CELF2: variants seen among roughly 807,000 people sequenced by gnomAD.
CELF2 encodes CUGBP Elav-like family member 2.
In CELF2, 8 loss-of-function variants were observed where a neutral mutation model predicts 62.6. The observed-to-expected ratio is 0.13, with a 90% CI of 0.07 to 0.23. The LOEUF (loss-of-function observed/expected upper bound fraction) is 0.23, where lower values mean the gene tolerates loss of function less well. CELF2 is among the 10% of genes least tolerant of loss of function. The pLI is 1.00. For synonymous variants in CELF2, 258 were observed against 250.0 expected, an observed-to-expected ratio of 1.03 and a Z score of -0.30; for missense variants, 333 against 671.0, an observed-to-expected ratio of 0.50 and a Z score of 5.56.
At chr10:11,192,816 C>T (rs2076562255) in intron 2 of CELF2, among the ~76,000 whole-genome samples, 1 of 152,174 alleles carries the variant, frequency 6.6e-6, no homozygotes, top group Non-Finnish European at 1.5e-5. Flanking sequence ...CCCAACCCCA[C>T]CCTCAGGAAT....
rs756702441 is a variant in CELF2 at position 10,839,937 on chromosome 10, C to A, written c.53+41120C>A. Among the ~76,000 whole-genome samples, 3 of 152,324 alleles carry A rather than the reference C, an allele frequency of 2.0e-5. No individual in the cohort carries two copies. The East Asian group carries it at 5.8e-4, about 29-fold the overall frequency. On this transcript the variant is annotated intron_variant, in intron 1 of 13. Coordinates refer to the CELF2 transcript ENST00000636488. ...AACTGTTTTTGTAATTTTGGTTTAT[C>A]CGGAATGTCATATATGTGGAATCAC... is the stretch of plus-strand genomic sequence containing the variant.
chr10:10,464,482 A>G, the CELF2 span, among the ~76,000 whole-genome samples: 1 of 152,096 alleles, frequency 6.6e-6, no homozygotes, highest in African/African-American at 2.4e-5. Flanking sequence ...TCTATTCTCA[A>G]ATTTTCAAAT....
In CELF2 at chr10:11,223,235, CG is replaced by C. The variant is rs1248617984; in HGVS notation, c.354+5732del. 6.6e-6 allele frequency among the ~76,000 whole-genome samples: 1 copy of C among 152,178 alleles called. No homozygotes were observed. The highest frequency in any genetic ancestry group is 1.5e-5 in the Non-Finnish European group (1 of 68,034). On this transcript the variant is annotated intron_variant, in intron 3 of 12. Coordinates refer to ENST00000633077, the MANE Select transcript of CELF2 (RefSeq NM_001326342.2). This position sits in a 1 kb window ranked among gnomAD's most constrained non-coding sequence, Gnocchi z 5.1. ...CAGCATCCTCACAGTCAGGCCTGAG[CG>C]GGGCACTGCCTGAGGAGCTTCCTGA...
chr10:11,120,118 G>A (rs549870532), intron 1 of CELF2, among the ~76,000 whole-genome samples: 1 of 152,216 alleles, frequency 6.6e-6, no homozygotes, highest in South Asian at 2.1e-4. Context: ...AGCATCCTTT[G>A]AGCATGTCGT....
At chr10:11,185,601 A>AG (rs1364831658) in intron 2 of CELF2, among the ~76,000 whole-genome samples, 1 of 151,942 alleles carries the variant, frequency 6.6e-6, no homozygotes, top group Non-Finnish European at 1.5e-5. Flanking sequence ...TTTAGTAGAG[A>AG]GGGGGTTTCT....
the CELF2 span, among the ~76,000 whole-genome samples, chr10:10,767,601 A>T: frequency 6.6e-6 from 1 of 152,220 alleles, no homozygotes; most frequent in Non-Finnish European, 1.5e-5. Flanking sequence ...AATGCTTGGT[A>T]TGCAGTGGGG....
intron 2 of CELF2, among the ~76,000 whole-genome samples, chr10:11,190,314 A>G (rs997656981): frequency 6.9e-6 from 1 of 145,002 alleles, no homozygotes; most frequent in Admixed American, 7.4e-5. Context: ...GTATTGATGA[A>G]ATTTTGGCCC....
In CELF2 at chr10:11,319,144, C is replaced by A; in HGVS notation, c.1097-2045C>A. On this transcript the variant is annotated intron_variant, in intron 10 of 12. Coordinates refer to ENST00000633077, the MANE Select transcript of CELF2 (RefSeq NM_001326342.2). The surrounding 1 kb of genome is among the most constrained non-coding windows in gnomAD (Gnocchi z 4.4). ...CCCGCCAGAATTTCCTCCACACGGG[C>A]ATCTGCATTTCCAGAGGACTGTGCC... is the stretch of plus-strand genomic sequence containing the variant. The A allele has an allele frequency of 4.3e-6, 2 of 468,972 alleles. No homozygotes were observed. Among genetic ancestry groups the A allele is most frequent in the Non-Finnish European group, 4.4e-6 (1 of 226,376 alleles). The allele number at this position is 468,972 out of a possible 1,614,324, so 29.1% of individuals were successfully genotyped here. A position where few individuals can be genotyped will look rare whatever the true frequency, so the allele number is the denominator to read the frequency against.
chr10:11,273,469 A>AC (rs1288314658), intron 7 of CELF2, among the ~76,000 whole-genome samples: 1 of 151,742 alleles, frequency 6.6e-6, no homozygotes, highest in Admixed American at 6.6e-5. Context: ...CTTCCCCTCA[A>AC]CCCCTGGTCT....
the CELF2 span, among the ~76,000 whole-genome samples, chr10:10,519,989 C>G: frequency 6.6e-6 from 1 of 152,170 alleles, no homozygotes; most frequent in Non-Finnish European, 1.5e-5. Context: ...CCCAGCCTCC[C>G]TTATTGCCAG....
At chr10:10,729,394 A>T in the CELF2 span, among the ~76,000 whole-genome samples, 3 of 152,194 alleles carry the variant, frequency 2.0e-5, no homozygotes, top group Admixed American at 1.3e-4. Context: ...ATTGGTAAAG[A>T]CATGTTTTTC....
Position 11,267,437 on chromosome 10 carries a change from G to A in CELF2, c.618+760G>A, listed in dbSNP as rs973109612. Among the ~76,000 whole-genome samples, 1 of 152,164 alleles carries A rather than the reference G, an allele frequency of 6.6e-6. No homozygotes were observed. Among genetic ancestry groups the A allele is most frequent in the Non-Finnish European group, 1.5e-5 (1 of 68,028 alleles). On this transcript the variant is annotated intron_variant, in intron 6 of 12. Coordinates refer to ENST00000633077, the MANE Select transcript of CELF2 (RefSeq NM_001326342.2). This position sits in a 1 kb window ranked among gnomAD's most constrained non-coding sequence, Gnocchi z 4.4. Reference sequence around the variant, plus strand: ...AATTTTGCACAAAAGCATTCCAAGAGTGATATGCCGTTACTTCTTCTGTAT... The same window carrying A: ...AATTTTGCACAAAAGCATTCCAAGAATGATATGCCGTTACTTCTTCTGTAT...
At chr10:10,865,207 T>C (rs1350066030) in intron 1 of CELF2, among the ~76,000 whole-genome samples, 1 of 152,174 alleles carries the variant, frequency 6.6e-6, no homozygotes, top group Non-Finnish European at 1.5e-5. Context: ...CCTATTGTAT[T>C]TAAGGAAAAG....
At chr10:10,590,126 T>C in the CELF2 span, among the ~76,000 whole-genome samples, 6 of 152,176 alleles carry the variant, frequency 3.9e-5, no homozygotes, top group Admixed American at 6.5e-5. Flanking sequence ...CCCTAAGGTA[T>C]GACATAGCAG....
chr10:10,489,764 G>A, the CELF2 span, among the ~76,000 whole-genome samples: 3 of 150,674 alleles, frequency 2.0e-5, no homozygotes, highest in East Asian at 2.1e-4. Flanking sequence ...AAAACAAAAC[G>A]TGACGAAAAT....
At chr10:10,951,074 G>A (rs184145435) in intron 2 of CELF2, among the ~76,000 whole-genome samples, 16 of 152,268 alleles carry the variant, frequency 1.1e-4, no homozygotes, top group East Asian at 1.9e-4. Context: ...GACACTTGGC[G>A]TCTACAAAAA....
At chr10:11,124,208 G>T (rs551651544) in intron 1 of CELF2, among the ~76,000 whole-genome samples, 1 of 152,224 alleles carries the variant, frequency 6.6e-6, no homozygotes, top group East Asian at 1.9e-4. Flanking sequence ...TTTGGGTGGG[G>T]ACACAGCCAA....
At chr10:11,141,884 C>T (rs889599488) in intron 1 of CELF2, among the ~76,000 whole-genome samples, 2 of 152,178 alleles carry the variant, frequency 1.3e-5, no homozygotes, top group African/African-American at 4.8e-5. Flanking sequence ...ATCCTTGAAA[C>T]AACTGTAATC....
the CELF2 span, among the ~76,000 whole-genome samples, chr10:10,584,115 C>T: frequency 1.5e-4 from 23 of 152,264 alleles, no homozygotes; most frequent in South Asian, 4.6e-3. Flanking sequence ...TACCTAAAAA[C>T]AAGCAAGAAA....
Sources: allele counts gnomAD v4.1 joint callset (sites outside exome capture counted in the v4.1 genomes callset), GRCh38; gene constraint gnomAD v4.1.1; non-coding constraint Gnocchi (gnomAD v3.1); transcripts MANE v1.5; gene names NCBI Gene and HGNC (gene_info 2026-07-23, HGNC 2026-07-21).